Variants in NNT observed in about 807,000 individuals in gnomAD.
NNT encodes the protein NAD(P) transhydrogenase, mitochondrial.
A neutral mutation model predicts 104.8 loss-of-function variants in NNT; 50 were observed. The ratio of observed to expected loss-of-function variants is 0.48; its 90% CI spans 0.38 to 0.60. NNT has a LOEUF of 0.60. NNT is among the 20% of genes least tolerant of loss of function. The probability of loss-of-function intolerance (pLI) is 0.00; values close to 1 mark genes in which losing one functional copy is unlikely to be tolerated. For missense variants in NNT, 1,131 were observed against 1,330.7 expected (o/e 0.85, Z 2.33); for synonymous variants, 461 against 490.4 (o/e 0.94, Z 0.79).
intron 16 of NNT, among the ~76,000 whole-genome samples, chr5:43,657,360 T>C (rs1740113733): frequency 1.3e-5 from 2 of 152,246 alleles, no homozygotes; most frequent in Non-Finnish European, 2.9e-5. Context: ...ATATTTAGTG[T>C]ATTGAAACAC....
At chr5:43,693,511 T>C (rs1292497635) in intron 19 of NNT, among the ~76,000 whole-genome samples, 2 of 152,344 alleles carry the variant, frequency 1.3e-5, no homozygotes, top group Admixed American at 1.3e-4. Context: ...ATGCTTTCTC[T>C]GGAGCAGTTT....
chr5:43,644,785 G>C lies in NNT; in HGVS notation c.1273G>C (p.Gly425Arg). ...TGGTACGATGGGTCATGTCATTAGA[G>C]GAACTGTAGTGATGAAAGTAAGTAA... ...DFGTMGHVIRGTVVMKDGKVI... is the reference protein window; with the variant it reads ...DFGTMGHVIRRTVVMKDGKVI... The change falls in exon 9 of 22, where the codon GGA becomes CGA. Residue 425 changes from glycine to arginine, a missense_variant. Coordinates refer to ENST00000344920, the MANE Select transcript of NNT (RefSeq NM_182977.3). 1 of 1,613,362 alleles carries C rather than the reference G, an allele frequency of 6.2e-7. No individual in the cohort carries two copies. The highest frequency in any genetic ancestry group is 8.5e-7 in the Non-Finnish European group (1 of 1,179,442).
chr5:43,650,508 G>A lies in NNT; in HGVS notation c.1638G>A (p.Met546Ile), dbSNP rs1313547451. The A allele has an allele frequency of 6.2e-7, 1 of 1,613,962 alleles. No individual in the cohort carries two copies. Among genetic ancestry groups the A allele is most frequent in the Non-Finnish European group, 8.5e-7 (1 of 1,180,008 alleles). The part of the protein sequence containing the change: ...GLTAVGGLAL[M>I]GGHLYPSTTS... Reference sequence around the variant, plus strand: ...CTGCAGTTGGTGGGTTGGCACTGATGGGAGGACATTTGTATCCTTCCACAA... The same window carrying A: ...CTGCAGTTGGTGGGTTGGCACTGATAGGAGGACATTTGTATCCTTCCACAA... Residue 546 changes from methionine (M) to isoleucine (I), a missense_variant, in exon 12 of 22, where the codon ATG (methionine) becomes ATA (isoleucine). Physicochemically the swap from Met to Ile is conservative, Grantham distance 10. Transcript: ENST00000344920.
intron 7 of NNT, among the ~76,000 whole-genome samples, chr5:43,634,355 A>G (rs1025355243): frequency 2.6e-5 from 4 of 152,172 alleles, no homozygotes; most frequent in Non-Finnish European, 5.9e-5. Context: ...CGGGCAAGAG[A>G]GTGATTGATA....
intron 7 of NNT, among the ~76,000 whole-genome samples, chr5:43,630,208 C>T (rs565465583): frequency 9.2e-5 from 14 of 152,304 alleles, no homozygotes; most frequent in African/African-American, 3.4e-4. Context: ...CCAATTATCC[C>T]AGCACCATTG....
At position 43,644,182 on chromosome 5, in the gene NNT, A is replaced by G. The variant is rs1386310464; in HGVS notation, c.965-10A>G. On this transcript the variant is annotated splice_polypyrimidine_tract_variant and intron_variant, in intron 7 of 21. Coordinates refer to ENST00000344920, the MANE Select transcript of NNT (RefSeq NM_182977.3). ...AATACAAATTGTGCTGCTTTCTTTG[A>G]TTTTATTAGGTAAAAAAGCTCCAGT... 6.3e-7 allele frequency: 1 copy of G among 1,593,994 alleles called. No homozygotes were observed. Among genetic ancestry groups the G allele is most frequent in the Non-Finnish European group, 8.5e-7 (1 of 1,171,058 alleles).
intron 19 of NNT, among the ~76,000 whole-genome samples, chr5:43,680,726 A>G (rs1741663224): frequency 6.6e-6 from 1 of 152,314 alleles, no homozygotes; most frequent in Non-Finnish European, 1.5e-5. Context: ...TTTCATGACA[A>G]GAACTCATTT....
At chr5:43,614,013 A>G (rs535096283) in intron 3 of NNT, among the ~76,000 whole-genome samples, 16 of 152,316 alleles carry the variant, frequency 1.1e-4, no homozygotes, top group African/African-American at 3.8e-4. Context: ...AATTTGTGGC[A>G]TGGGGGTTAA....
intron 20 of NNT, among the ~76,000 whole-genome samples, chr5:43,700,512 G>A (rs1435611037): frequency 2.6e-5 from 4 of 152,166 alleles, no homozygotes; most frequent in African/African-American, 9.7e-5. Flanking sequence ...TGAAGACTGG[G>A]GATCTGGGCA....
At chr5:43,701,542 C>T (rs1435429152) in intron 20 of NNT, among the ~76,000 whole-genome samples, 1 of 152,052 alleles carries the variant, frequency 6.6e-6, no homozygotes, top group African/African-American at 2.4e-5. Context: ...CTGTGATGAA[C>T]ATGCTAGTGA....
At chr5:43,701,538 T>C (rs1742851718) in intron 20 of NNT, among the ~76,000 whole-genome samples, 2 of 152,202 alleles carry the variant, frequency 1.3e-5, no homozygotes, top group African/African-American at 4.8e-5. Flanking sequence ...AGTGCTGTGA[T>C]GAACATGCTA....
intron 3 of NNT, 116 bp from the exon 4 acceptor site, chr5:43,615,732 A>C (rs1459629975): frequency 1.2e-6 from 1 of 802,666 alleles, no homozygotes; most frequent in East Asian, 2.7e-5. Context: ...TATTGATGGA[A>C]GATTTATTTC....
At chr5:43,615,701 C>G (rs1579977699) in intron 3 of NNT, 147 bp from the exon 4 acceptor site, 1 of 715,660 alleles carries the variant, frequency 1.4e-6, no homozygotes, top group East Asian at 2.7e-5. Flanking sequence ...CCTTATATTG[C>G]TTAAGAATTT....
At position 43,605,301 on chromosome 5, in the gene NNT, G is replaced by A. The variant is rs968491455; in HGVS notation, c.-54+2007G>A. 3.3e-5 allele frequency among the ~76,000 whole-genome samples: 5 copies of A among 151,868 alleles called. No individual in the cohort carries two copies. The East Asian group carries it at 9.7e-4, about 29-fold the overall frequency. ...GGAGGCCGAGGCGGGTGGATCATGA[G>A]GTCAGGAGATCGAGACCATCCTGGC... On this transcript the variant is annotated intron_variant, in intron 1 of 21. Transcript: ENST00000344920.
chr5:43,662,086 A>G (rs1424640628), intron 17 of NNT, among the ~76,000 whole-genome samples: 1 of 152,186 alleles, frequency 6.6e-6, no homozygotes, highest in Non-Finnish European at 1.5e-5. Flanking sequence ...ACTTGTTTCT[A>G]GTTCTTGAAA....
chr5:43,637,537 C>A (rs147208989), intron 7 of NNT, among the ~76,000 whole-genome samples: 53 of 151,984 alleles, frequency 3.5e-4, no homozygotes, highest in African/African-American at 1.2e-3. Context: ...GTTAACAGAA[C>A]GTAGTCCAGT....
At chr5:43,605,765 G>C (rs1228201832) in intron 1 of NNT, among the ~76,000 whole-genome samples, 2 of 152,064 alleles carry the variant, frequency 1.3e-5, no homozygotes, top group Admixed American at 6.6e-5. Flanking sequence ...ATTTGGTTTA[G>C]ACTTAGTGAT....
chr5:43,642,031 TC>T (rs1164244276), intron 7 of NNT, among the ~76,000 whole-genome samples: 7 of 152,226 alleles, frequency 4.6e-5, no homozygotes, highest in African/African-American at 1.7e-4. Flanking sequence ...CAGGGACTGA[TC>T]CTTAGCTATG....
At position 43,680,566 on chromosome 5, in the gene NNT, C is replaced by A. The variant is rs577581813; in HGVS notation, c.2876+2760C>A. The stretch of plus-strand genomic sequence containing the variant: ...ATATGATTGTCATCAATTAGTTATA[C>A]CCAAGTGGTGCCAAGAAAAATCGCA... On this transcript the variant is annotated intron_variant, in intron 19 of 21. Coordinates refer to ENST00000344920, the MANE Select transcript of NNT (RefSeq NM_182977.3). Among the ~76,000 whole-genome samples, 6 of 152,238 alleles carry A rather than the reference C, an allele frequency of 3.9e-5. No individual in the cohort carries two copies. In the South Asian group the frequency reaches 1.2e-3, roughly 32 times the overall value.
Sources: gnomAD v4.1 joint callset for allele counts (sites outside exome capture counted in the v4.1 genomes callset) on GRCh38, gnomAD v4.1.1 for gene constraint, MANE v1.5 for transcripts, NCBI Gene and HGNC (gene_info 2026-07-23, HGNC 2026-07-21) for gene names.